Variants in ST13 observed in about 807,000 individuals in gnomAD.
The protein encoded by ST13 is hsc70-interacting protein.
Under a neutral mutation model 56.7 loss-of-function variants are expected in ST13, and 23 were observed. The observed-to-expected ratio is 0.41, with a 90% CI of 0.29 to 0.57. The LOEUF (loss-of-function observed/expected upper bound fraction) is 0.57. ST13 is among the 20% of genes least tolerant of loss of function. ST13 has a pLI of 0.36. For synonymous variants in ST13, 132 were observed against 142.4 expected, an observed-to-expected ratio of 0.93 and a Z score of 0.52; for missense variants, 369 against 459.9, an observed-to-expected ratio of 0.80 and a Z score of 1.81.
rs781306910 is a variant in ST13, at chr22:40,832,701, C to T, written c.579-30G>A. 10 of 1,490,060 alleles carry T rather than the reference C, an allele frequency of 6.7e-6. No homozygotes were observed. The Admixed American group carries it at 1.0e-4, about 15-fold the overall frequency. 92.3% of individuals were successfully genotyped at this position (1,490,060 alleles called of 1,614,324 possible). ...AACAGATTTACACTCATTTTAGGAG[C>T]CTTTTATACATATTCACCTATGTGG... is the stretch of plus-strand genomic sequence containing the variant. On this transcript the variant is annotated intron_variant, in intron 7 of 11. Transcript: ENST00000216218.
chr22:40,831,080 T>C (rs1343297430), intron 8 of ST13, 124 bp from the exon 9 acceptor site: 1 of 690,530 alleles, frequency 1.4e-6, no homozygotes, highest in Non-Finnish European at 2.4e-6. Context: ...ATTTGTCTTG[T>C]ACAAAAAGAC....
intron 9 of ST13, 89 bp downstream of exon 9, chr22:40,830,749 TAA>T: frequency 1.4e-6 from 1 of 733,326 alleles, no homozygotes; most frequent in East Asian, 2.5e-5. Context: ...CAGCATTAAA[TAA>T]AAGAGCCAGG....
rs368847970 is a variant in ST13, at chr22:40,827,233, T to C, written c.848-4A>G. 5 of 1,613,212 alleles carry C rather than the reference T, an allele frequency of 3.1e-6. No homozygotes were observed. The highest frequency in any genetic ancestry group is 2.2e-5 in the East Asian group (1 of 44,888). On this transcript the variant is annotated splice_region_variant and splice_polypyrimidine_tract_variant and intron_variant, in intron 10 of 11. Transcript: ENST00000216218. Reference sequence around the variant, plus strand: ...GGCATTCCCCCAGGAAAGCCACCTGTAATAAAAAATGAATAGACACTAATC... The same window carrying C: ...GGCATTCCCCCAGGAAAGCCACCTGCAATAAAAAATGAATAGACACTAATC...
intron 1 of ST13, among the ~76,000 whole-genome samples, chr22:40,853,455 G>A (rs950854983): frequency 6.6e-6 from 1 of 152,096 alleles, no homozygotes; most frequent in Non-Finnish European, 1.5e-5. Flanking sequence ...TCATAGGTAC[G>A]AAATTTCAAT....
At chr22:40,827,826 T>C (rs1298891767) in intron 10 of ST13, among the ~76,000 whole-genome samples, 2 of 152,090 alleles carry the variant, frequency 1.3e-5, no homozygotes, top group Non-Finnish European at 2.9e-5. Context: ...GTAATAACAC[T>C]GTTAAAAAAG....
intron 2 of ST13, 41 bp downstream of exon 2, chr22:40,850,782 A>T: frequency 6.9e-7 from 1 of 1,459,260 alleles, no homozygotes; most frequent in Non-Finnish European, 9.5e-7. Flanking sequence ...GAAATCTTAT[A>T]GTACTTTATC....
chr22:40,839,059 G>C (rs2057790518), intron 5 of ST13, among the ~76,000 whole-genome samples: 1 of 152,048 alleles, frequency 6.6e-6, no homozygotes, highest in Non-Finnish European at 1.5e-5. Context: ...CAGGTTACAA[G>C]CAAGAGTAGA....
chr22:40,837,275 T>C (rs1186145212), intron 5 of ST13, among the ~76,000 whole-genome samples: 1 of 152,214 alleles, frequency 6.6e-6, no homozygotes, highest in Non-Finnish European at 1.5e-5. Context: ...CTTAAATGTC[T>C]AATAAACAAC....
intron 5 of ST13, among the ~76,000 whole-genome samples, chr22:40,838,802 G>A (rs536060814): frequency 7.2e-5 from 11 of 151,942 alleles, no homozygotes; most frequent in South Asian, 6.2e-4. Flanking sequence ...AGTTTCGTGC[G>A]ATGAAAAGGA....
intron 11 of ST13, 84 bp from the exon 12 acceptor site, chr22:40,826,750 G>C: frequency 6.7e-7 from 1 of 1,499,306 alleles, no homozygotes; most frequent in South Asian, 1.2e-5. Flanking sequence ...CTCTTATTTA[G>C]ACCTGTAATT....
chr22:40,838,390 C>T (rs2057787393), intron 5 of ST13, among the ~76,000 whole-genome samples: 1 of 152,014 alleles, frequency 6.6e-6, no homozygotes, highest in Non-Finnish European at 1.5e-5. Context: ...ACAGAGAGTT[C>T]AGAAAAAAGT....
chr22:40,844,895 CTTCT>C lies in ST13; in HGVS notation c.255_258del (p.Glu86ValfsTer2). 6.2e-7 allele frequency: 1 copy of C among 1,613,096 alleles called. No individual in the cohort carries two copies. ...GCATCAGTGTCTGGTTCAATCACAC[CTTCT>C]TTATCAATTTCTGCCAAAGTCGAGA... On this transcript the variant is annotated frameshift_variant, in exon 4 of 12. Coordinates refer to ENST00000216218, the MANE Select transcript of ST13 (RefSeq NM_003932.5). LOFTEE classifies it high-confidence loss of function.
At chr22:40,855,319 C>T (rs2057884488) in intron 1 of ST13, among the ~76,000 whole-genome samples, 1 of 152,148 alleles carries the variant, frequency 6.6e-6, no homozygotes, top group Non-Finnish European at 1.5e-5. Context: ...TATGGTGGCT[C>T]GATCCCGCAC....
intron 3 of ST13, among the ~76,000 whole-genome samples, chr22:40,846,811 G>T (rs998218945): frequency 6.6e-6 from 1 of 152,020 alleles, no homozygotes; most frequent in Non-Finnish European, 1.5e-5. Flanking sequence ...TGGCCAACAT[G>T]GTGAAACTCT....
chr22:40,827,406 C>T (rs1342916725), intron 10 of ST13, among the ~76,000 whole-genome samples, 177 bp from the exon 11 acceptor site: 1 of 152,232 alleles, frequency 6.6e-6, no homozygotes, highest in Non-Finnish European at 1.5e-5. Flanking sequence ...CTAATTATCT[C>T]TTTAAAAACA....
At chr22:40,847,763 T>C (rs955360320) in intron 3 of ST13, among the ~76,000 whole-genome samples, 8 of 152,026 alleles carry the variant, frequency 5.3e-5, no homozygotes, top group African/African-American at 1.7e-4. Flanking sequence ...TTAACAAATA[T>C]TGAGGCCAGG....
At chr22:40,831,870 T>C (rs1286493852) in intron 8 of ST13, among the ~76,000 whole-genome samples, 2 of 152,214 alleles carry the variant, frequency 1.3e-5, no homozygotes, top group African/African-American at 4.8e-5. Context: ...CTTTGTTTTA[T>C]TAAGACAGCC....
chr22:40,832,626 G>A lies in ST13; in HGVS notation c.624C>T (p.Ala208=), dbSNP rs1602650962. ...WEEAAHDLAL[A]CKLDYDEDAS... is the part of the protein sequence containing the mutation. ...CATCTTCATCATAATCCAATTTACA[G>A]GCAAGGGCAAGATCATGGGCTGCTT... Residue 208 remains alanine (A), a synonymous_variant, in exon 8 of 12, where the codon GCC becomes GCT. Transcript: ENST00000216218. The A allele has an allele frequency of 6.2e-7, 1 of 1,603,952 alleles. No homozygotes were observed. The highest frequency in any genetic ancestry group is 8.5e-7 in the Non-Finnish European group (1 of 1,179,732).
At chr22:40,845,759 AAG>A (rs1418987622) in intron 3 of ST13, among the ~76,000 whole-genome samples, 2 of 152,142 alleles carry the variant, frequency 1.3e-5, no homozygotes, top group Non-Finnish European at 2.9e-5. Flanking sequence ...ATCATTTAAA[AAG>A]AACACATTTG....
Sources: allele counts gnomAD v4.1 joint callset (sites outside exome capture counted in the v4.1 genomes callset), GRCh38; gene constraint gnomAD v4.1.1; transcripts MANE v1.5; gene names NCBI Gene and HGNC (gene_info 2026-07-23, HGNC 2026-07-21).